Variants in LRP1B observed in about 807,000 individuals in gnomAD.
LRP1B encodes LDL receptor related protein 1B, also known as low-density lipoprotein receptor-related protein 1B.
In LRP1B, 217 loss-of-function variants were observed where a neutral mutation model predicts 556.6. The ratio of observed to expected loss-of-function variants is 0.39; its 90% CI spans 0.35 to 0.44. LRP1B has a LOEUF of 0.44. LRP1B is among the 20% of genes least tolerant of loss of function. The probability of loss-of-function intolerance (pLI) is 1.00; values close to 1 mark genes in which losing one functional copy is unlikely to be tolerated. For synonymous variants in LRP1B, 2,047 were observed against 1,865.8 expected (o/e 1.10, Z -2.50); for missense variants, 5,053 against 5,620.8 (o/e 0.90, Z 3.23).
At chr2:142,005,606 G>T (rs552941533) in intron 1 of LRP1B, among the ~76,000 whole-genome samples, 1 of 152,190 alleles carries the variant, frequency 6.6e-6, no homozygotes, top group Non-Finnish European at 1.5e-5. Flanking sequence ...ATGTAATGAT[G>T]AATAAAAGAA....
chr2:141,746,888 G>T (rs1387810620), intron 2 of LRP1B, among the ~76,000 whole-genome samples: 1 of 152,086 alleles, frequency 6.6e-6, no homozygotes, highest in Non-Finnish European at 1.5e-5. Context: ...ACATATAGAT[G>T]CAAGTGATAT....
Position 140,314,130 on chromosome 2 carries a change from G to A in LRP1B, c.12805+805C>T, listed in dbSNP as rs568202838. Reference sequence around the variant, plus strand: ...ATAGAAATTAACCATGTAGGGGAATGTGAAAATAATATAGAATTTTCCATT... The same window carrying A: ...ATAGAAATTAACCATGTAGGGGAATATGAAAATAATATAGAATTTTCCATT... On this transcript the variant is annotated intron_variant, in intron 83 of 90. Coordinates refer to ENST00000389484, the MANE Select transcript of LRP1B (RefSeq NM_018557.3). Among the ~76,000 whole-genome samples the A allele has an allele frequency of 6.6e-5, 10 of 152,050 alleles. No individual in the cohort carries two copies. The South Asian group carries it at 2.1e-3, about 32-fold the overall frequency.
chr2:141,516,262 AG>A (rs545237345), intron 2 of LRP1B, among the ~76,000 whole-genome samples: 86 of 152,282 alleles, frequency 5.6e-4, no homozygotes, highest in African/African-American at 2.0e-3. Flanking sequence ...AGCATTTCAA[AG>A]ATGTTGATTT....
At chr2:140,306,482 G>A (rs1360937935) in intron 83 of LRP1B, among the ~76,000 whole-genome samples, 1 of 152,078 alleles carries the variant, frequency 6.6e-6, no homozygotes, top group Non-Finnish European at 1.5e-5. Context: ...TTGTATTTCT[G>A]TGGGATCGGT....
chr2:141,090,598 T>C (rs1269063425), intron 7 of LRP1B, among the ~76,000 whole-genome samples: 1 of 152,212 alleles, frequency 6.6e-6, no homozygotes, highest in African/African-American at 2.4e-5. Context: ...GATTTGATGA[T>C]TCCTGGCATG....
intron 2 of LRP1B, among the ~76,000 whole-genome samples, chr2:141,748,631 T>C (rs530452689): frequency 6.6e-6 from 1 of 152,260 alleles, no homozygotes; most frequent in South Asian, 2.1e-4. Flanking sequence ...TCTTTATAAT[T>C]TGGTTTTCTG....
intron 1 of LRP1B, among the ~76,000 whole-genome samples, chr2:142,076,870 A>T (rs960810835): frequency 6.6e-6 from 1 of 152,106 alleles, no homozygotes; most frequent in African/African-American, 2.4e-5. Context: ...GAATTTTCCT[A>T]AAATGTATAT....
At chr2:140,252,107 A>G (rs934774037) in intron 86 of LRP1B, among the ~76,000 whole-genome samples, 3 of 149,090 alleles carry the variant, frequency 2.0e-5, no homozygotes, top group Non-Finnish European at 4.5e-5. Context: ...AACAAAAAAA[A>G]ACAGAAAAAA....
At chr2:142,062,881 C>A (rs552654745) in intron 1 of LRP1B, among the ~76,000 whole-genome samples, 35 of 151,674 alleles carry the variant, frequency 2.3e-4, no homozygotes, top group African/African-American at 6.3e-4. Context: ...ATATTCAAAT[C>A]AAGTTTTGTC....
chr2:140,965,798 T>G (rs1410365038), intron 18 of LRP1B, among the ~76,000 whole-genome samples: 23 of 59,976 alleles, frequency 3.8e-4, no homozygotes, highest in African/African-American at 1.2e-3. Context: ...AGTGAGAACA[T>G]GCAGTGTTTT....
At chr2:141,190,207 A>G (rs759497480) in intron 6 of LRP1B, among the ~76,000 whole-genome samples, 2 of 151,954 alleles carry the variant, frequency 1.3e-5, no homozygotes, top group Non-Finnish European at 2.9e-5. Flanking sequence ...ATACTATACT[A>G]TCTTCAGCCA....
intron 3 of LRP1B, among the ~76,000 whole-genome samples, chr2:141,277,864 A>G (rs1426984212): frequency 3.3e-5 from 5 of 152,182 alleles, no homozygotes; most frequent in South Asian, 2.1e-4. Context: ...CCAAAGGGGC[A>G]GATTATATGT....
intron 66 of LRP1B, among the ~76,000 whole-genome samples, chr2:140,406,789 T>C (rs958596808): frequency 1.3e-5 from 2 of 152,102 alleles, no homozygotes; most frequent in African/African-American, 2.4e-5. Context: ...ATAGATTTAA[T>C]GCAATTCCTA....
chr2:141,825,115 T>C (rs1268937237), intron 1 of LRP1B, among the ~76,000 whole-genome samples: 1 of 152,202 alleles, frequency 6.6e-6, no homozygotes, highest in Non-Finnish European at 1.5e-5. Flanking sequence ...CTCTTTTGTT[T>C]ATAAATTACC....
At chr2:140,409,483 G>A (rs934371670) in intron 66 of LRP1B, among the ~76,000 whole-genome samples, 13 of 151,706 alleles carry the variant, frequency 8.6e-5, no homozygotes, top group Non-Finnish European at 1.6e-4. Flanking sequence ...TTATTGTATT[G>A]GCATATTTTA....
At chr2:140,578,014 A>T (rs1681601585) in intron 43 of LRP1B, among the ~76,000 whole-genome samples, 1 of 152,198 alleles carries the variant, frequency 6.6e-6, no homozygotes, top group African/African-American at 2.4e-5. Context: ...AATATAAAAG[A>T]ATGATTAAAC....
rs80288905 is a variant in LRP1B at position 141,557,439 on chromosome 2, T to C, written c.206-76906A>G. Among the ~76,000 whole-genome samples, 7 of 152,046 alleles carry C rather than the reference T, an allele frequency of 4.6e-5. No individual in the cohort carries two copies. The East Asian group carries it at 1.2e-3, about 25-fold the overall frequency. Reference sequence around the variant, plus strand: ...ATGCAAGAATTTTTTCTTAAGTGCATGTGAATAACCGCAGAGAGAAACTAC... The same window carrying C: ...ATGCAAGAATTTTTTCTTAAGTGCACGTGAATAACCGCAGAGAGAAACTAC... On this transcript the variant is annotated intron_variant, in intron 2 of 90. Transcript: ENST00000389484.
intron 33 of LRP1B, 52 bp from the exon 34 acceptor site, chr2:140,771,058 A>G (rs749705249): frequency 7.1e-7 from 1 of 1,404,110 alleles, no homozygotes; most frequent in South Asian, 1.3e-5. Flanking sequence ...TTTAAAAAAT[A>G]AAGTTTTATT....
intron 69 of LRP1B, among the ~76,000 whole-genome samples, chr2:140,371,552 G>GA (rs202114476): frequency 0.031 from 4,549 of 144,652 alleles, 80 homozygotes; most frequent in Non-Finnish European, 0.043. Context: ...TCCATAGAAG[G>GA]AAAAAAAAAC....
Sources: gnomAD v4.1 joint callset for allele counts (sites outside exome capture counted in the v4.1 genomes callset) on GRCh38, gnomAD v4.1.1 for gene constraint, MANE v1.5 for transcripts, NCBI Gene and HGNC (gene_info 2026-07-23, HGNC 2026-07-21) for gene names.